Variants in FOXP1 observed in about 807,000 individuals in gnomAD.
FOXP1 encodes the protein forkhead box P1, also known as forkhead box protein P1.
In FOXP1, 15 loss-of-function variants were observed where a neutral mutation model predicts 98.2. The observed-to-expected ratio is 0.15, with a 90% CI of 0.10 to 0.24. FOXP1 has a LOEUF of 0.24. Ranked by LOEUF, FOXP1 falls within the 10% of genes least tolerant of loss-of-function variation. FOXP1 has a pLI of 1.00. For synonymous variants in FOXP1, 371 were observed against 314.5 expected, an observed-to-expected ratio of 1.18 and a Z score of -1.90; for missense variants, 633 against 848.5, an observed-to-expected ratio of 0.75 and a Z score of 3.15.
chr3:71,244,319 T>C (rs1300576511), intron 5 of FOXP1, among the ~76,000 whole-genome samples: 2 of 152,108 alleles, frequency 1.3e-5, no homozygotes, highest in African/African-American at 4.8e-5. Flanking sequence ...GCTCCAAGCA[T>C]GATCTCTCCC....
intron 5 of FOXP1, among the ~76,000 whole-genome samples, chr3:71,244,476 G>C (rs2067549433): frequency 7.1e-6 from 1 of 140,776 alleles, no homozygotes. Context: ...ATGAGGATTT[G>C]GAAAAGATCA....
chr3:71,330,345 T>C (rs1188149705), intron 4 of FOXP1, among the ~76,000 whole-genome samples: 6 of 152,200 alleles, frequency 3.9e-5, no homozygotes, highest in Non-Finnish European at 7.3e-5. Context: ...ACATATAAAA[T>C]ATTGTAAGTC....
Position 71,532,533 on chromosome 3 carries a change from G to T in FOXP1, c.-297-38978C>A, listed in dbSNP as rs568346788. Among the ~76,000 whole-genome samples, 19 of 152,266 alleles carry T rather than the reference G, an allele frequency of 1.2e-4. No homozygotes were observed. In the South Asian group the frequency reaches 3.5e-3, roughly 28 times the overall value. ...TTGGCAAGACAGGTCCTAGTGGAATGATTTTTTAAAAAAATTAATTTGGTG... is the reference window on the plus strand; with the variant it reads ...TTGGCAAGACAGGTCCTAGTGGAATTATTTTTTAAAAAAATTAATTTGGTG... On this transcript the variant is annotated intron_variant, in intron 2 of 20. Transcript: ENST00000649528.
intron 7 of FOXP1, among the ~76,000 whole-genome samples, chr3:71,094,960 C>A (rs2056311188): frequency 6.6e-6 from 1 of 152,166 alleles, no homozygotes; most frequent in African/African-American, 2.4e-5. Flanking sequence ...TTCTGCAAGC[C>A]CATTAATTAT....
intron 3 of FOXP1, among the ~76,000 whole-genome samples, chr3:71,420,112 T>G (rs1049537416): frequency 6.6e-6 from 1 of 152,170 alleles, no homozygotes; most frequent in African/African-American, 2.4e-5. Context: ...TTTATTTTTA[T>G]AGTGTTCTTT....
chr3:71,196,379 G>A (rs777711949), intron 6 of FOXP1, among the ~76,000 whole-genome samples: 25 of 152,038 alleles, frequency 1.6e-4, no homozygotes, highest in East Asian at 3.9e-4. Flanking sequence ...GTGTGTGGGC[G>A]CATGTGTGTG....
At chr3:71,265,480 C>T (rs1310953960) in intron 5 of FOXP1, among the ~76,000 whole-genome samples, 2 of 152,214 alleles carry the variant, frequency 1.3e-5, no homozygotes, top group Non-Finnish European at 2.9e-5. Context: ...CATCCATTAG[C>T]TCACCTCCAG....
chr3:71,383,881 T>C (rs1210007872), intron 3 of FOXP1, among the ~76,000 whole-genome samples: 2 of 152,078 alleles, frequency 1.3e-5, no homozygotes, highest in African/African-American at 2.4e-5. Flanking sequence ...TTGGAGGTCA[T>C]GATGTATAGA....
At chr3:71,155,340 T>A (rs1268135721) in intron 6 of FOXP1, among the ~76,000 whole-genome samples, 1 of 152,250 alleles carries the variant, frequency 6.6e-6, no homozygotes, top group Non-Finnish European at 1.5e-5. Context: ...TACAGAATTT[T>A]AAATTTTTAG....
chr3:71,397,015 TATATATATAC>T (rs2081500072), intron 3 of FOXP1, among the ~76,000 whole-genome samples: 1 of 80,354 alleles, frequency 1.2e-5, no homozygotes, highest in East Asian at 2.2e-4. Flanking sequence ...TGTGTATATA[TATATATATAC>T]ATATATATGT....
chr3:71,396,946 A>ATGTGTATATATATATATG (rs1195437848), intron 3 of FOXP1, among the ~76,000 whole-genome samples: 1 of 70,920 alleles, frequency 1.4e-5, no homozygotes, highest in East Asian at 2.2e-4. Flanking sequence ...ACATATATAT[A>ATGTGTATATATATATATG]TGTGTATATA....
chr3:71,025,099 C>T (rs1398889139), intron 11 of FOXP1, among the ~76,000 whole-genome samples: 3 of 152,098 alleles, frequency 2.0e-5, no homozygotes, highest in Middle Eastern at 3.4e-3. Context: ...CCTATTTAAA[C>T]GAGACGATTT....
At position 70,970,611 on chromosome 3, in the gene FOXP1, C is replaced by G. The variant is rs553052430; in HGVS notation, c.1722+125G>C. On this transcript the variant is annotated intron_variant, in intron 19 of 20. Transcript: ENST00000649528. ...CCTCCAGGGAGTATGATGCTTTGTG[C>G]ACTTAAGAAAAAAGTTTAACGGAAT... is the stretch of plus-strand genomic sequence containing the variant. 2.5e-5 allele frequency: 21 copies of G among 843,264 alleles called. No homozygotes were observed. The African/African-American group carries it at 2.8e-4, about 11-fold the overall frequency. The allele number at this position is 843,264 out of a possible 1,614,324, so 52.2% of individuals were successfully genotyped here.
At chr3:71,265,694 T>A (rs1392364844) in intron 5 of FOXP1, among the ~76,000 whole-genome samples, 1 of 152,172 alleles carries the variant, frequency 6.6e-6, no homozygotes, top group Non-Finnish European at 1.5e-5. Context: ...AATGTACACA[T>A]GTTCACGGTG....
intron 3 of FOXP1, among the ~76,000 whole-genome samples, chr3:71,452,876 A>G (rs1035597962): frequency 1.3e-5 from 2 of 152,180 alleles, no homozygotes; most frequent in African/African-American, 4.8e-5. Context: ...GAATTTGAAG[A>G]CCACTCTTAC....
intron 7 of FOXP1, among the ~76,000 whole-genome samples, chr3:71,057,976 A>G (rs2050917363): frequency 6.6e-6 from 1 of 152,218 alleles, no homozygotes; most frequent in Admixed American, 6.5e-5. Context: ...TTTTTCTTCA[A>G]AATGACTCTC....
chr3:71,320,451 G>C (rs550154210), intron 4 of FOXP1, among the ~76,000 whole-genome samples: 4 of 151,730 alleles, frequency 2.6e-5, no homozygotes, highest in African/African-American at 9.7e-5. Flanking sequence ...GCCTACCACC[G>C]TATTGCTCTG....
At chr3:71,547,384 A>G (rs953155115) in intron 2 of FOXP1, among the ~76,000 whole-genome samples, 18 of 152,220 alleles carry the variant, frequency 1.2e-4, no homozygotes, top group African/African-American at 4.3e-4. Flanking sequence ...AGGGCTTGGC[A>G]GGTAAACAAC....
chr3:71,171,839 T>C (rs1437982078), intron 6 of FOXP1, among the ~76,000 whole-genome samples: 1 of 152,258 alleles, frequency 6.6e-6, no homozygotes, highest in East Asian at 1.9e-4. Context: ...ATCTTACAGA[T>C]GTCCTTCAGG....
Sources: gnomAD v4.1 joint callset for allele counts (sites outside exome capture counted in the v4.1 genomes callset) on GRCh38, gnomAD v4.1.1 for gene constraint, MANE v1.5 for transcripts, NCBI Gene and HGNC (gene_info 2026-07-23, HGNC 2026-07-21) for gene names.